The following OPCML variants were observed in gnomAD, a reference collection of about 807,000 sequenced individuals.
The protein encoded by OPCML is opioid-binding protein/cell adhesion molecule.
OPCML carries 13 observed loss-of-function variants against 37.8 expected under a neutral mutation model. The observed-to-expected ratio is 0.34, with a 90% CI of 0.22 to 0.55. The LOEUF (loss-of-function observed/expected upper bound fraction) is 0.55, where lower values mean the gene tolerates loss of function less well. Ranked by LOEUF, OPCML falls within the 20% of genes least tolerant of loss-of-function variation. The pLI is 0.91. For synonymous variants in OPCML, 176 were observed against 168.8 expected (o/e 1.04, Z -0.33); for missense variants, 341 against 435.6 (o/e 0.78, Z 1.93).
chr11:133,206,081 T>TTAA lies in OPCML; in HGVS notation c.62-263074_62-263072dup, dbSNP rs1312409077. 6.6e-6 allele frequency among the ~76,000 whole-genome samples: 1 copy of TTAA among 152,252 alleles called. No individual in the cohort carries two copies. Among genetic ancestry groups the TTAA allele is most frequent in the African/African-American group, 2.4e-5 (1 of 41,470 alleles). ...CATGTCTAGTGCCTACAGTTAACATTTAATAATAACTGTATTATTCTGTAA... is the reference window on the plus strand; with the variant it reads ...CATGTCTAGTGCCTACAGTTAACATTTAATAATAATAACTGTATTATTCTGTAA... On this transcript the variant is annotated intron_variant, in intron 1 of 7. Coordinates refer to ENST00000524381, the MANE Select transcript of OPCML (RefSeq NM_001012393.5). This position sits in a 1 kb window ranked among gnomAD's most constrained non-coding sequence, Gnocchi z 4.7.
intron 1 of OPCML, among the ~76,000 whole-genome samples, chr11:133,220,626 C>T (rs565723853): frequency 1.3e-5 from 2 of 152,256 alleles, no homozygotes; most frequent in South Asian, 2.1e-4. Flanking sequence ...GCAAATGCTC[C>T]GTGTTTCTGG....
intron 4 of OPCML, among the ~76,000 whole-genome samples, chr11:132,509,819 T>C (rs1227419923): frequency 6.6e-6 from 1 of 152,230 alleles, no homozygotes; most frequent in East Asian, 1.9e-4. Context: ...GCTAGGGCAG[T>C]GCAGAAGGGA....
chr11:132,823,847 C>A (rs915708497), intron 2 of OPCML, among the ~76,000 whole-genome samples: 1 of 152,102 alleles, frequency 6.6e-6, no homozygotes, highest in East Asian at 1.9e-4. Flanking sequence ...GGCACATGAT[C>A]GCAGCATTTA....
chr11:133,193,241 A>G (rs1189963504), intron 1 of OPCML, among the ~76,000 whole-genome samples: 1 of 152,118 alleles, frequency 6.6e-6, no homozygotes, highest in Non-Finnish European at 1.5e-5. Context: ...TCTGAATAAC[A>G]TAAAAAAAAG....
chr11:133,457,405 G>A (rs1416331413), intron 1 of OPCML, among the ~76,000 whole-genome samples: 2 of 151,966 alleles, frequency 1.3e-5, no homozygotes, highest in Non-Finnish European at 2.9e-5. Flanking sequence ...TGGGCATGGT[G>A]GTGCACGCCT....
chr11:133,245,089 A>C (rs993552826), intron 1 of OPCML, among the ~76,000 whole-genome samples: 1 of 152,250 alleles, frequency 6.6e-6, no homozygotes, highest in Non-Finnish European at 1.5e-5. Flanking sequence ...TGAGTCTGCC[A>C]TTGTGTAAAA....
intron 3 of OPCML, among the ~76,000 whole-genome samples, chr11:132,554,715 T>G (rs1379384234): frequency 2.6e-5 from 4 of 152,198 alleles, no homozygotes; most frequent in Admixed American, 2.6e-4. Context: ...GTTCTGAGCC[T>G]TAGCTTAGGA....
chr11:133,474,889 T>A (rs1347524987), intron 1 of OPCML, among the ~76,000 whole-genome samples: 1 of 152,200 alleles, frequency 6.6e-6, no homozygotes, highest in Non-Finnish European at 1.5e-5. Flanking sequence ...TCAGAGATTA[T>A]GTCAAAGACA....
chr11:133,329,261 A>G (rs531886244), intron 1 of OPCML, among the ~76,000 whole-genome samples: 263 of 152,316 alleles, frequency 1.7e-3, no homozygotes, highest in African/African-American at 5.9e-3. Context: ...ATACTGCCCA[A>G]GGTAATTTAT....
At chr11:133,123,404 T>C (rs1949450327) in intron 1 of OPCML, among the ~76,000 whole-genome samples, 1 of 152,244 alleles carries the variant, frequency 6.6e-6, no homozygotes, top group Non-Finnish European at 1.5e-5. Flanking sequence ...GATGCGTATT[T>C]GCTGGGTAGT....
intron 1 of OPCML, among the ~76,000 whole-genome samples, chr11:133,262,630 C>T (rs891517147): frequency 6.6e-6 from 1 of 152,170 alleles, no homozygotes; most frequent in South Asian, 2.1e-4. Context: ...GTACCTACTG[C>T]CTTCTTTGCC....
At chr11:132,760,164 T>G (rs1946209234) in intron 2 of OPCML, among the ~76,000 whole-genome samples, 1 of 152,154 alleles carries the variant, frequency 6.6e-6, no homozygotes, top group African/African-American at 2.4e-5. Flanking sequence ...TCTGAGAGAC[T>G]GTTGATTATG....
chr11:133,517,439 G>T (rs1025244586), intron 1 of OPCML, among the ~76,000 whole-genome samples: 1 of 152,202 alleles, frequency 6.6e-6, no homozygotes, highest in Non-Finnish European at 1.5e-5. Context: ...TTTAATAGTG[G>T]AAAGTGATCG....
At chr11:133,255,550 T>C (rs1941284449) in intron 1 of OPCML, among the ~76,000 whole-genome samples, 1 of 152,116 alleles carries the variant, frequency 6.6e-6, no homozygotes, top group South Asian at 2.1e-4. Flanking sequence ...TAAAACATTT[T>C]TGGATTGGGG....
intron 1 of OPCML, among the ~76,000 whole-genome samples, chr11:133,027,844 G>A (rs1054789203): frequency 6.6e-6 from 1 of 150,422 alleles, no homozygotes; most frequent in African/African-American, 2.4e-5. Context: ...GGGTGGGAGT[G>A]TAGTAGTGTG....
At chr11:133,009,511 G>A (rs1386248845) in intron 1 of OPCML, among the ~76,000 whole-genome samples, 5 of 152,172 alleles carry the variant, frequency 3.3e-5, no homozygotes, top group Admixed American at 6.5e-5. Context: ...ATAGTATTCA[G>A]ACCAAGTGAA....
rs575800214 is a variant in OPCML at position 132,439,915 on chromosome 11, G to T, written c.506-2556C>A. ...TTCCCCTTTCCTTAGAGAGAAGAAA[G>T]ACCCAGATCATGCTGCTTGGTGGAC... On this transcript the variant is annotated intron_variant, in intron 4 of 7. Transcript: ENST00000524381. Among the ~76,000 whole-genome samples, 187 of 152,290 alleles carry T rather than the reference G, an allele frequency of 1.2e-3. 1 individual carries two copies. Among genetic ancestry groups the T allele is most frequent in the African/African-American group, 4.2e-3 (173 of 41,558 alleles).
rs1274193169 is a variant in OPCML, at chr11:133,427,700, G to GA, written c.61+104563dup. 2.5e-3 allele frequency among the ~76,000 whole-genome samples: 367 copies of GA among 149,456 alleles called. 3 individuals carry two copies. The highest frequency in any genetic ancestry group is 7.9e-3 in the African/African-American group (320 of 40,760). On this transcript the variant is annotated intron_variant, in intron 1 of 7. Coordinates refer to ENST00000524381, the MANE Select transcript of OPCML (RefSeq NM_001012393.5). ...TTAAATAGAAATAGGCAATTTATTGGAAAAAAAAACTATCAAGTTTTTTTT... is the reference window on the plus strand; with the variant it reads ...TTAAATAGAAATAGGCAATTTATTGGAAAAAAAAAACTATCAAGTTTTTTTT...
At chr11:133,009,570 T>G (rs1412189384) in intron 1 of OPCML, among the ~76,000 whole-genome samples, 1 of 152,164 alleles carries the variant, frequency 6.6e-6, no homozygotes, top group Non-Finnish European at 1.5e-5. Context: ...AAAGCAGCAT[T>G]CCCCAATCTT....
Sources: allele counts gnomAD v4.1 joint callset (sites outside exome capture counted in the v4.1 genomes callset), GRCh38; gene constraint gnomAD v4.1.1; non-coding constraint Gnocchi (gnomAD v3.1); transcripts MANE v1.5; gene names NCBI Gene and HGNC (gene_info 2026-07-23, HGNC 2026-07-21).